Variants in RIPOR2 observed in about 807,000 individuals in gnomAD.
RIPOR2 encodes the protein RHO family interacting cell polarization regulator 2.
RIPOR2 carries 39 observed loss-of-function variants against 114.5 expected under a neutral mutation model. That is an observed-to-expected ratio of 0.34 (90% CI 0.26 to 0.44). The LOEUF (loss-of-function observed/expected upper bound fraction) is 0.44, where lower values mean the gene tolerates loss of function less well. Ranked by LOEUF, RIPOR2 falls within the 20% of genes least tolerant of loss-of-function variation. RIPOR2 has a pLI of 1.00. For missense variants in RIPOR2, 1,007 were observed against 1,255.1 expected, an observed-to-expected ratio of 0.80 and a Z score of 2.99; for synonymous variants, 445 against 484.4, an observed-to-expected ratio of 0.92 and a Z score of 1.07.
chr6:24,864,864 A>C (rs1004090032), intron 7 of RIPOR2, among the ~76,000 whole-genome samples: 1 of 152,190 alleles, frequency 6.6e-6, no homozygotes, highest in African/African-American at 2.4e-5. Context: ...CTCCACTTCC[A>C]GGGATAAAAC....
At position 24,828,273 on chromosome 6, in the gene RIPOR2, T is replaced by G. The variant is rs1338388714; in HGVS notation, c.2529A>C (p.Gln843His). 4 of 1,548,312 alleles carry G rather than the reference T, an allele frequency of 2.6e-6. No individual in the cohort carries two copies. Among genetic ancestry groups the G allele is most frequent in the Non-Finnish European group, 3.5e-6 (4 of 1,145,118 alleles). The change falls in exon 18 of 22, where the codon CAA (glutamine) becomes CAC (histidine). Residue 843 changes from glutamine (Q) to histidine (H), a missense_variant. Gln to His is a conservative substitution (Grantham distance 24, BLOSUM62 0). Transcript: ENST00000643898. ...ADPVFRTLVS[Q>H]ILDRAEPLLS... ...GCAGAGGCTCAGCCCGGTCCAGAAT[T>G]TGGGACACCAGGGTTCGAAACACTA...
chr6:24,953,748 T>C (rs1482554201), intron 1 of RIPOR2, among the ~76,000 whole-genome samples: 2 of 152,198 alleles, frequency 1.3e-5, no homozygotes, highest in Non-Finnish European at 2.9e-5. Flanking sequence ...TGAACAGTCT[T>C]CAAAACATTC....
chr6:24,993,147 G>C (rs879801420), intron 1 of RIPOR2, among the ~76,000 whole-genome samples: 2 of 152,106 alleles, frequency 1.3e-5, no homozygotes, highest in Non-Finnish European at 2.9e-5. Flanking sequence ...TATTAGCCTA[G>C]CTAGTGGCCT....
chr6:24,964,144 G>A (rs1773421358), intron 1 of RIPOR2, among the ~76,000 whole-genome samples: 1 of 53,900 alleles, frequency 1.9e-5, no homozygotes, highest in Non-Finnish European at 3.5e-5. Flanking sequence ...ATTGACATTG[G>A]CTCTGTGTGT....
intron 1 of RIPOR2, among the ~76,000 whole-genome samples, chr6:24,956,656 G>A (rs1162542315): frequency 2.1e-5 from 3 of 144,744 alleles, no homozygotes; most frequent in South Asian, 2.4e-4. Context: ...GTTTTTAAGC[G>A]GTAGAGGTGG....
At chr6:24,837,205 C>T (rs763262236) in intron 14 of RIPOR2, among the ~76,000 whole-genome samples, 1 of 152,146 alleles carries the variant, frequency 6.6e-6, no homozygotes, top group African/African-American at 2.4e-5. Flanking sequence ...TCACTGCAAC[C>T]TCCACCTCCC....
chr6:25,035,634 G>A (rs1156338864), intron 1 of RIPOR2, among the ~76,000 whole-genome samples: 2 of 152,160 alleles, frequency 1.3e-5, no homozygotes, highest in Non-Finnish European at 2.9e-5. Flanking sequence ...CCAGAGTGGA[G>A]GAGGCCGGGG....
chr6:25,015,622 T>G (rs1237638773), intron 1 of RIPOR2: 3 of 152,202 alleles, frequency 2.0e-5, no homozygotes, highest in Non-Finnish European at 4.4e-5. Context: ...AATCCTCATT[T>G]CCTTTTCAAA....
At chr6:24,821,456 T>C (rs1759696832) in intron 19 of RIPOR2, among the ~76,000 whole-genome samples, 1 of 152,250 alleles carries the variant, frequency 6.6e-6, no homozygotes, top group Admixed American at 6.5e-5. Flanking sequence ...AGTGCTGGGA[T>C]TACAGGCGTG....
In RIPOR2 at chr6:24,873,451, A is replaced by G. The variant is rs573795104; in HGVS notation, c.344+193T>C. On this transcript the variant is annotated intron_variant, in intron 3 of 21. Transcript: ENST00000643898. ...CTGCACAGGGTTCCAGGTCTCCATC[A>G]ATGTTATGAATATGATGTGGAATAC... Among the ~76,000 whole-genome samples the G allele has an allele frequency of 8.5e-5, 13 of 152,352 alleles. No homozygotes were observed. The East Asian group carries it at 2.3e-3, about 27-fold the overall frequency.
chr6:25,014,460 G>A (rs1775889138), intron 1 of RIPOR2, among the ~76,000 whole-genome samples: 1 of 152,148 alleles, frequency 6.6e-6, no homozygotes, highest in African/African-American at 2.4e-5. Flanking sequence ...GAAATAATGA[G>A]ATAACTAATA....
chr6:24,860,930 G>A (rs1222881608), intron 8 of RIPOR2, 43 bp downstream of exon 8: 3 of 1,303,488 alleles, frequency 2.3e-6, no homozygotes, highest in Non-Finnish European at 3.3e-6. Context: ...TCTGCACTCT[G>A]CAGAGATGGC....
At chr6:24,986,624 A>G (rs920206390) in intron 1 of RIPOR2, among the ~76,000 whole-genome samples, 2 of 152,186 alleles carry the variant, frequency 1.3e-5, no homozygotes, top group Non-Finnish European at 2.9e-5. Flanking sequence ...TGTGTGCTCT[A>G]TCCTTTCCTG....
intron 16 of RIPOR2, among the ~76,000 whole-genome samples, chr6:24,831,455 G>A (rs1760686198): frequency 3.3e-5 from 5 of 152,228 alleles, no homozygotes; most frequent in Non-Finnish European, 1.5e-5. Flanking sequence ...GGTACCAGGT[G>A]GGACAGGAAC....
chr6:24,882,294 A>G (rs1345611993), intron 1 of RIPOR2, among the ~76,000 whole-genome samples: 4 of 152,236 alleles, frequency 2.6e-5, no homozygotes, highest in African/African-American at 4.8e-5. Context: ...ACTACGAGAC[A>G]GGTAAGGCTA....
At position 24,843,269 on chromosome 6, in the gene RIPOR2, G is replaced by A; in HGVS notation, c.1450C>T (p.Pro484Ser). The A allele has an allele frequency of 6.2e-7, 1 of 1,613,970 alleles. No homozygotes were observed. Among genetic ancestry groups the A allele is most frequent in the Middle Eastern group, 1.7e-4 (1 of 6,060 alleles). Residue 484 changes from proline (P) to serine (S), a missense_variant, in exon 13 of 22, where the codon CCA becomes TCA. Physicochemically the swap from Pro to Ser is moderately conservative, Grantham distance 74. Transcript: ENST00000643898. ...EPKSHLKEEDPEEPRKPASAP... is the reference protein window; with the variant it reads ...EPKSHLKEEDSEEPRKPASAP... ...GAGGCAGGTTTTCTGGGCTCCTCTG[G>A]GTCTTCCTCCTTCAGGTGTGACTTT... is the stretch of plus-strand genomic sequence containing the variant.
At chr6:24,944,647 G>A (rs911689845) in intron 1 of RIPOR2, among the ~76,000 whole-genome samples, 1 of 152,184 alleles carries the variant, frequency 6.6e-6, no homozygotes, top group African/African-American at 2.4e-5. Flanking sequence ...GAAGATGTTG[G>A]CTGCAAACTT....
chr6:24,983,994 C>T (rs2149452), intron 1 of RIPOR2, among the ~76,000 whole-genome samples: 3 of 151,916 alleles, frequency 2.0e-5, no homozygotes, highest in Non-Finnish European at 4.4e-5. Context: ...GACATGCTAG[C>T]TCCAAACTGA....
intron 1 of RIPOR2, among the ~76,000 whole-genome samples, chr6:24,911,626 T>A (rs978643662): frequency 6.6e-6 from 1 of 152,130 alleles, no homozygotes; most frequent in Non-Finnish European, 1.5e-5. Flanking sequence ...GAGAATTGTT[T>A]TTTATTTTGT....
Sources: allele counts gnomAD v4.1 joint callset (sites outside exome capture counted in the v4.1 genomes callset), GRCh38; gene constraint gnomAD v4.1.1; transcripts MANE v1.5; gene names NCBI Gene and HGNC (gene_info 2026-07-23, HGNC 2026-07-21).